Variants in SPAST observed in about 807,000 individuals in gnomAD.
SPAST encodes spastin, also known as spastic paraplegia 4 (autosomal dominant; spastin).
A neutral mutation model predicts 76.6 loss-of-function variants in SPAST; 30 were observed. The observed-to-expected ratio is 0.39, with a 90% confidence interval of 0.29 to 0.53. The LOEUF (loss-of-function observed/expected upper bound fraction) is 0.53. Among genes scored for constraint, SPAST ranks in the 20% least tolerant of loss-of-function variants. The pLI is 0.68. For missense variants in SPAST, 717 were observed against 770.5 expected (o/e 0.93, Z 0.82); for synonymous variants, 305 against 281.0 (o/e 1.09, Z -0.86).
At chr2:32,091,898 C>T (rs1677734348) in intron 3 of SPAST, among the ~76,000 whole-genome samples, 2 of 151,764 alleles carry the variant, frequency 1.3e-5, no homozygotes. Flanking sequence ...CAGGCATGAG[C>T]CACCACGCCC....
At chr2:32,082,380 A>G (rs955600034) in intron 1 of SPAST, among the ~76,000 whole-genome samples, 14 of 151,956 alleles carry the variant, frequency 9.2e-5, no homozygotes, top group African/African-American at 3.4e-4. Flanking sequence ...TATACATTAA[A>G]TGTTGGAATA....
chr2:32,096,735 AATTC>A (rs1677930683), intron 3 of SPAST, among the ~76,000 whole-genome samples: 1 of 152,146 alleles, frequency 6.6e-6, no homozygotes, highest in Non-Finnish European at 1.5e-5. Flanking sequence ...GGGGAGTATT[AATTC>A]ACATTTATGT....
chr2:32,076,840 G>A (rs1676980194), intron 1 of SPAST, among the ~76,000 whole-genome samples: 1 of 151,950 alleles, frequency 6.6e-6, no homozygotes, highest in Admixed American at 6.6e-5. Context: ...GGGACTATAG[G>A]TGTGTGCCAC....
intron 1 of SPAST, among the ~76,000 whole-genome samples, chr2:32,078,870 T>C (rs1296342518): frequency 6.6e-6 from 1 of 152,222 alleles, no homozygotes; most frequent in African/African-American, 2.4e-5. Context: ...CTTGTGTTTT[T>C]TCAGTTTGTT....
At chr2:32,102,000 A>T (rs1406412682) in intron 4 of SPAST, among the ~76,000 whole-genome samples, 9 of 152,096 alleles carry the variant, frequency 5.9e-5, no homozygotes, top group African/African-American at 1.7e-4. Context: ...AGTTTTTTCC[A>T]ATTCTGTGAA....
At chr2:32,100,177 T>C (rs1272459157) in intron 4 of SPAST, among the ~76,000 whole-genome samples, 1 of 152,094 alleles carries the variant, frequency 6.6e-6, no homozygotes, top group African/African-American at 2.4e-5. Flanking sequence ...CATTTGGTAC[T>C]TTTTTTGTCT....
At chr2:32,088,575 C>T (rs141211816) in intron 2 of SPAST, among the ~76,000 whole-genome samples, 2,979 of 152,176 alleles carry the variant, frequency 0.02, 38 homozygotes, top group South Asian at 0.03. Context: ...ACCCAGGAGG[C>T]GGAGGTTGTG....
intron 3 of SPAST, among the ~76,000 whole-genome samples, chr2:32,091,141 T>C (rs1206795635): frequency 1.3e-5 from 2 of 152,012 alleles, no homozygotes; most frequent in East Asian, 3.9e-4. Flanking sequence ...ATGGAAATAG[T>C]AGATATTTGG....
At chr2:32,130,412 T>G (rs908107935) in intron 9 of SPAST, 5 of 152,094 alleles carry the variant, frequency 3.3e-5, no homozygotes, top group African/African-American at 1.2e-4. Context: ...GTGTCAGCAT[T>G]TGTTGCACCG....
Position 32,064,357 on chromosome 2 carries a change from C to T in SPAST, c.415+111C>T, listed in dbSNP as rs1216688603. ...TCTGCGGGAGGGGACGGTGCACCCC[C>T]GGAATTGATATGCCCCGGGAGACTG... is the stretch of plus-strand genomic sequence containing the variant. On this transcript the variant is annotated intron_variant, in intron 1 of 16. Transcript: ENST00000315285. The T allele has an allele frequency of 6.8e-6, 7 of 1,022,056 alleles. No individual in the cohort carries two copies. The South Asian group carries it at 7.3e-5, about 11-fold the overall frequency. 63.3% of individuals were successfully genotyped at this position (1,022,056 alleles called of 1,614,324 possible). A position where few individuals can be genotyped will look rare whatever the true frequency, so the allele number is the denominator to read the frequency against.
chr2:32,063,747 G>A lies in SPAST; in HGVS notation c.-85G>A. 1.3e-6 allele frequency: 2 copies of A among 1,509,620 alleles called. No homozygotes were observed. Among genetic ancestry groups the A allele is most frequent in the Non-Finnish European group, 1.8e-6 (2 of 1,132,270 alleles). The allele number at this position is 1,509,620 out of a possible 1,614,324, so 93.5% of individuals were successfully genotyped here. A position where few individuals can be genotyped will look rare whatever the true frequency, so the allele number is the denominator to read the frequency against. On this transcript the variant is annotated 5_prime_UTR_variant, in exon 1 of 17. Transcript: ENST00000315285. ...GGGCACACGGGGGTCTGTGGCCCCC[G>A]CCGTAGCAGTGGCTGCCGCCGTCGC...
chr2:32,136,780 A>G, intron 10 of SPAST, 97 bp from the exon 11 acceptor site: 13 of 1,191,360 alleles, frequency 1.1e-5, no homozygotes, highest in Non-Finnish European at 1.5e-5. Context: ...TGAATTTAGT[A>G]GGACCCACTA....
chr2:32,147,550 C>T (rs1226691772), intron 16 of SPAST, among the ~76,000 whole-genome samples: 1 of 152,070 alleles, frequency 6.6e-6, no homozygotes, highest in African/African-American at 2.4e-5. Context: ...CTCCTGACCT[C>T]AAGTGATCCA....
At chr2:32,123,478 G>T (rs1679085303) in intron 7 of SPAST, among the ~76,000 whole-genome samples, 1 of 152,230 alleles carries the variant, frequency 6.6e-6, no homozygotes, top group Middle Eastern at 3.4e-3. Context: ...TATCGATTCA[G>T]TGCAGTCCCA....
chr2:32,067,340 G>A (rs1018518765), intron 1 of SPAST, among the ~76,000 whole-genome samples: 1 of 152,148 alleles, frequency 6.6e-6, no homozygotes, highest in African/African-American at 2.4e-5. Context: ...GGGATTACAG[G>A]TGTGAGCCGC....
At chr2:32,127,469 AC>A (rs1679234378) in intron 8 of SPAST, 2 of 175,710 alleles carry the variant, frequency 1.1e-5, no homozygotes, top group Admixed American at 1.1e-4. Context: ...TAGATGGAAA[AC>A]CATGTACGTT....
chr2:32,108,758 C>CTTTTTT (rs71407413), intron 4 of SPAST, among the ~76,000 whole-genome samples: 152 of 73,912 alleles, frequency 2.1e-3, no homozygotes, highest in Middle Eastern at 0.016. Context: ...GCTGGTATAG[C>CTTTTTT]TTTTTTTTTT....
At chr2:32,083,741 T>A (rs6751221) in intron 1 of SPAST, among the ~76,000 whole-genome samples, 733 of 56,388 alleles carry the variant, frequency 0.013, 7 homozygotes, top group South Asian at 0.022. Flanking sequence ...CTATATATAT[T>A]TATATATACT....
intron 12 of SPAST, among the ~76,000 whole-genome samples, chr2:32,138,532 G>A (rs1679616486): frequency 6.6e-6 from 1 of 152,094 alleles, no homozygotes; most frequent in Non-Finnish European, 1.5e-5. Flanking sequence ...ATAGGGTTGT[G>A]TGTTTTTAGC....
Sources: allele counts gnomAD v4.1 joint callset (sites outside exome capture counted in the v4.1 genomes callset), GRCh38; gene constraint gnomAD v4.1.1; transcripts MANE v1.5; gene names NCBI Gene and HGNC (gene_info 2026-07-23, HGNC 2026-07-21).